GPC5: variants seen among roughly 807,000 people sequenced by gnomAD.
GPC5 encodes the protein glypican-5.
In GPC5, 47 loss-of-function variants were observed where a neutral mutation model predicts 53.9. That is an observed-to-expected ratio of 0.87 (90% CI 0.69 to 1.11). The LOEUF (loss-of-function observed/expected upper bound fraction) is 1.11. Ranked by LOEUF, GPC5 falls within the 50% of genes most tolerant of loss-of-function variation. The pLI is 0.00. For missense variants in GPC5, 748 were observed against 713.1 expected (o/e 1.05, Z -0.56); for synonymous variants, 286 against 263.3 (o/e 1.09, Z -0.84).
intron 2 of GPC5, among the ~76,000 whole-genome samples, chr13:91,582,955 C>G (rs577060412): frequency 3.9e-5 from 6 of 152,008 alleles, no homozygotes; most frequent in African/African-American, 1.4e-4. Context: ...GAGCCGAGAT[C>G]ATTCCACTGC....
intron 6 of GPC5, among the ~76,000 whole-genome samples, chr13:92,083,537 A>G (rs879415991): frequency 6.6e-6 from 1 of 152,244 alleles, no homozygotes; most frequent in African/African-American, 2.4e-5. Flanking sequence ...ACAAACCTGC[A>G]CATTGTGCAC....
intron 7 of GPC5, among the ~76,000 whole-genome samples, chr13:92,282,124 A>G (rs2139170221): frequency 6.6e-6 from 1 of 152,372 alleles, no homozygotes. Flanking sequence ...AGCCGATTCG[A>G]TCAACTGGAA....
At chr13:92,285,134 T>A (rs902056037) in intron 7 of GPC5, among the ~76,000 whole-genome samples, 1 of 152,074 alleles carries the variant, frequency 6.6e-6, no homozygotes, top group Non-Finnish European at 1.5e-5. Flanking sequence ...TGAACTCCCA[T>A]TCACAATTGC....
At chr13:92,611,299 A>G (rs756030662) in intron 7 of GPC5, among the ~76,000 whole-genome samples, 14 of 152,176 alleles carry the variant, frequency 9.2e-5, no homozygotes, top group Admixed American at 5.9e-4. Context: ...TTTCACTTCC[A>G]TGGACTTAGG....
intron 6 of GPC5, among the ~76,000 whole-genome samples, chr13:92,087,949 T>A (rs1279789316): frequency 3.3e-5 from 5 of 150,440 alleles, no homozygotes; most frequent in East Asian, 1.9e-4. Flanking sequence ...TTTTTTTTTT[T>A]AAAGAGATGG....
At chr13:92,536,647 A>T (rs993640148) in intron 7 of GPC5, among the ~76,000 whole-genome samples, 11 of 152,126 alleles carry the variant, frequency 7.2e-5, no homozygotes, top group African/African-American at 2.4e-4. Context: ...AATCTGAAGC[A>T]AGTGTTCTCA....
chr13:91,623,548 G>A (rs752963455), intron 2 of GPC5, among the ~76,000 whole-genome samples: 1 of 152,036 alleles, frequency 6.6e-6, no homozygotes, highest in Non-Finnish European at 1.5e-5. Flanking sequence ...ATGGCACCAG[G>A]GTTTATCTTA....
chr13:92,701,108 C>T (rs7992127), intron 7 of GPC5, among the ~76,000 whole-genome samples: 1 of 151,926 alleles, frequency 6.6e-6, no homozygotes, highest in Non-Finnish European at 1.5e-5. Context: ...AGTGAATAAA[C>T]CAAACTGGAA....
At chr13:92,339,901 G>A (rs2043351927) in intron 7 of GPC5, 1 of 152,030 alleles carries the variant, frequency 6.6e-6, no homozygotes, top group Non-Finnish European at 1.5e-5. Context: ...TGAATTAAAT[G>A]TATTTATGAT....
At chr13:91,434,323 T>G (rs1879739447) in intron 1 of GPC5, among the ~76,000 whole-genome samples, 2 of 152,286 alleles carry the variant, frequency 1.3e-5, no homozygotes, top group Non-Finnish European at 2.9e-5. Flanking sequence ...TCTAGGGTTT[T>G]TATGGTTTTA....
Position 92,028,983 on chromosome 13 carries a change from C to T in GPC5, c.1402-115847C>T, listed in dbSNP as rs141417403. 2.7e-3 allele frequency among the ~76,000 whole-genome samples: 404 copies of T among 152,262 alleles called. 1 individual carries two copies. The highest frequency in any genetic ancestry group is 9.3e-3 in the African/African-American group (386 of 41,538). On this transcript the variant is annotated intron_variant, in intron 6 of 7. Transcript: ENST00000377067. ...TATATTTGTTCCCTGAACCTGGCTT[C>T]ACTAGTACAACACTTCATTAAAATC... is the stretch of plus-strand genomic sequence containing the variant.
chr13:91,422,320 C>T (rs924620570), intron 1 of GPC5, among the ~76,000 whole-genome samples: 2 of 152,188 alleles, frequency 1.3e-5, no homozygotes, highest in East Asian at 1.9e-4. Context: ...ACTGAATACC[C>T]GAGACTAGGT....
At chr13:91,860,354 C>T (rs968680453) in intron 5 of GPC5, among the ~76,000 whole-genome samples, 2 of 151,966 alleles carry the variant, frequency 1.3e-5, no homozygotes, top group Non-Finnish European at 2.9e-5. Context: ...ATTTCGCTCA[C>T]ATAATATCCT....
intron 2 of GPC5, among the ~76,000 whole-genome samples, chr13:91,532,418 A>G (rs1594215919): frequency 6.6e-6 from 1 of 152,218 alleles, no homozygotes; most frequent in South Asian, 2.1e-4. Context: ...TGTCAAAAAA[A>G]GTTTCTGATG....
intron 6 of GPC5, among the ~76,000 whole-genome samples, chr13:91,918,897 T>C (rs2139013534): frequency 6.6e-6 from 1 of 152,258 alleles, no homozygotes; most frequent in African/African-American, 2.4e-5. Flanking sequence ...CTTCTCTGCA[T>C]TTCCCTCTCT....
intron 6 of GPC5, among the ~76,000 whole-genome samples, chr13:92,124,269 A>T (rs1051804466): frequency 6.6e-6 from 1 of 151,098 alleles, no homozygotes; most frequent in South Asian, 2.1e-4. Flanking sequence ...AAAAAAAAAA[A>T]AAAACTAGTT....
intron 7 of GPC5, among the ~76,000 whole-genome samples, chr13:92,311,816 C>A (rs2043146959): frequency 6.6e-6 from 1 of 152,128 alleles, no homozygotes; most frequent in Admixed American, 6.6e-5. Context: ...GGGGACACAG[C>A]CAAACCATAT....
At chr13:91,953,968 A>G (rs1283324472) in intron 6 of GPC5, among the ~76,000 whole-genome samples, 1 of 152,192 alleles carries the variant, frequency 6.6e-6, no homozygotes, top group African/African-American at 2.4e-5. Context: ...ATAAAGAATA[A>G]CTCTATGCCA....
At position 92,111,717 on chromosome 13, in the gene GPC5, TTGA is replaced by T. The variant is rs1034274415; in HGVS notation, c.1402-33109_1402-33107del. ...CTTTTCCAAAAAAAAGGTGATAACT[TTGA>T]TGAGTTGTAAAAAACTAGCAAATTT... On this transcript the variant is annotated intron_variant, in intron 6 of 7. Transcript: ENST00000377067. 7.2e-5 allele frequency among the ~76,000 whole-genome samples: 11 copies of T among 152,274 alleles called. No individual in the cohort carries two copies. The South Asian group carries it at 1.2e-3, about 17-fold the overall frequency.
Sources: gnomAD v4.1 joint callset for allele counts (sites outside exome capture counted in the v4.1 genomes callset) on GRCh38, gnomAD v4.1.1 for gene constraint, MANE v1.5 for transcripts, NCBI Gene and HGNC (gene_info 2026-07-23, HGNC 2026-07-21) for gene names.